FBN3: variants seen among roughly 807,000 people sequenced by gnomAD.
FBN3 encodes the protein fibrillin 3, also known as fibrillin-3.
Under a neutral mutation model 330.1 loss-of-function variants are expected in FBN3, and 234 were observed. That is an observed-to-expected ratio of 0.71 (90% CI 0.64 to 0.79). FBN3 has a LOEUF of 0.79. Ranked by LOEUF, FBN3 falls within the 30% of genes least tolerant of loss-of-function variation. FBN3 has a pLI of 0.00. For synonymous variants in FBN3, 1,458 were observed against 1,517.3 expected (o/e 0.96, Z 0.91); for missense variants, 3,606 against 3,886.9 (o/e 0.93, Z 1.92).
chr19:8,072,579 G>C (rs764682017), intron 62 of FBN3, among the ~76,000 whole-genome samples: 1 of 151,980 alleles, frequency 6.6e-6, no homozygotes, highest in African/African-American at 2.4e-5. Flanking sequence ...AGTGTGCCTG[G>C]GGATGTGTGT....
intron 40 of FBN3, among the ~76,000 whole-genome samples, chr19:8,101,373 C>T (rs2082324821): frequency 6.6e-6 from 1 of 152,302 alleles, no homozygotes; most frequent in Non-Finnish European, 1.5e-5. Flanking sequence ...GTCCCCTTCC[C>T]ATCACTGTCC....
Position 8,096,612 on chromosome 19 carries a change from A to G in FBN3, c.5414-43T>C. 6.4e-7 allele frequency: 1 copy of G among 1,568,078 alleles called. No homozygotes were observed. ...ATGGTGTTCCCAGGGCTCCTACCAC[A>G]GTGTTTGCCTGAGCTCTCCCTACTG... On this transcript the variant is annotated intron_variant, in intron 43 of 63. Transcript: ENST00000600128. This position sits in a 1 kb window ranked among gnomAD's most constrained non-coding sequence, Gnocchi z 4.6.
chr19:8,109,751 T>A lies in FBN3; in HGVS notation c.4336A>T (p.Ile1446Phe). The A allele has an allele frequency of 6.6e-7, 1 of 1,512,006 alleles. No homozygotes were observed. Among genetic ancestry groups the A allele is most frequent in the Non-Finnish European group, 8.8e-7 (1 of 1,129,966 alleles). The allele number at this position is 1,512,006 out of a possible 1,614,324, so 93.7% of individuals were successfully genotyped here. A position where few individuals can be genotyped will look rare whatever the true frequency, so the allele number is the denominator to read the frequency against. ...LDRGGGNCTDINECADPVNCI... is the reference protein window; with the variant it reads ...LDRGGGNCTDFNECADPVNCI... Reference sequence around the variant, plus strand: ...TTTACTGGGTCTGCACACTCGTTGATGTCTGTAGGGAGGAAGCGCGGTCCT... The same window carrying A: ...TTTACTGGGTCTGCACACTCGTTGAAGTCTGTAGGGAGGAAGCGCGGTCCT... Residue 1446 changes from isoleucine to phenylalanine, a missense_variant and splice_region_variant, in exon 35 of 64, where the codon ATC (isoleucine) becomes TTC (phenylalanine). By Grantham distance (21) the Ile-to-Phe change is conservative (BLOSUM62 0). Transcript: ENST00000600128. The surrounding 1 kb of genome is among the most constrained non-coding windows in gnomAD (Gnocchi z 5.2).
chr19:8,132,901 C>T lies in FBN3; in HGVS notation c.1714+83G>A, dbSNP rs578058266. 1.7e-5 allele frequency: 24 copies of T among 1,436,260 alleles called. No individual in the cohort carries two copies. The Admixed American group carries it at 1.8e-4, about 11-fold the overall frequency. The allele number at this position is 1,436,260 out of a possible 1,614,324, so 89.0% of individuals were successfully genotyped here. On this transcript the variant is annotated intron_variant, in intron 14 of 63. Coordinates refer to ENST00000600128, the MANE Select transcript of FBN3 (RefSeq NM_032447.5). ...CTCTCATGCTCGTCCCATCCCCGTC[C>T]GGTCCCTCTCCTCTTCCTCGCCGTC... is the stretch of plus-strand genomic sequence containing the variant.
At chr19:8,111,925 C>T (rs1156354648) in intron 31 of FBN3, 52 bp downstream of exon 31, 24 of 450,190 alleles carry the variant, frequency 5.3e-5, no homozygotes, top group Non-Finnish European at 7.7e-5. Context: ...ACCGCCTTGC[C>T]CCCCACCTAC....
chr19:8,090,201 C>A lies in FBN3; in HGVS notation c.6082G>T (p.Val2028Leu). Residue 2028 changes from valine to leucine, a missense_variant, in exon 49 of 64, where the codon GTG (valine) becomes TTG (leucine). Coordinates refer to ENST00000600128, the MANE Select transcript of FBN3 (RefSeq NM_032447.5). ...TTGGTGGTGTTGAAAGCTTTGGGCACCGAGCACTTCCCAGCCTCAAAACGG... is the reference window on the plus strand; with the variant it reads ...TTGGTGGTGTTGAAAGCTTTGGGCAACGAGCACTTCCCAGCCTCAAAACGG... Reference protein sequence around the residue: ...FTRFEAGKCSVPKAFNTTKTR... With the variant: ...FTRFEAGKCSLPKAFNTTKTR... 1 of 1,614,064 alleles carries A rather than the reference C, an allele frequency of 6.2e-7. No individual in the cohort carries two copies. Among genetic ancestry groups the A allele is most frequent in the South Asian group, 1.1e-5 (1 of 91,072 alleles).
At position 8,135,971 on chromosome 19, in the gene FBN3, C is replaced by G. The variant is rs1313884772; in HGVS notation, c.1581G>C (p.Lys527Asn). Residue 527 changes from lysine (K) to asparagine (N), a missense_variant, in exon 13 of 64, where the codon AAG becomes AAC. Coordinates refer to ENST00000600128, the MANE Select transcript of FBN3 (RefSeq NM_032447.5). Reference sequence around the variant, plus strand: ...CCACCCCCAACTCACCCACACAGTTCTTGCCGTCAGGGCTGAGCTCGAAGC... The same window carrying G: ...CCACCCCCAACTCACCCACACAGTTGTTGCCGTCAGGGCTGAGCTCGAAGC... ...NAGFELSPDG[K>N]NCVDHNECAT... 1 of 1,544,022 alleles carries G rather than the reference C, an allele frequency of 6.5e-7. No individual in the cohort carries two copies. Among genetic ancestry groups the G allele is most frequent in the Non-Finnish European group, 8.7e-7 (1 of 1,145,638 alleles).
chr19:8,095,555 A>G, intron 45 of FBN3, 52 bp from the exon 46 acceptor site: 1 of 1,591,864 alleles, frequency 6.3e-7, no homozygotes, highest in Admixed American at 1.7e-5. Flanking sequence ...TGAAGGGATC[A>G]AACCTTCCTT....
In FBN3 at chr19:8,097,366, C is replaced by A. The variant is rs765126546; in HGVS notation, c.5210G>T (p.Cys1737Phe). The change falls in exon 42 of 64, where the codon TGC becomes TTC. Residue 1737 changes from cysteine to phenylalanine, a missense_variant. Physicochemically the swap from Cys to Phe is radical, Grantham distance 205. Transcript: ENST00000600128. The part of the protein sequence containing the change: ...EIPAICANGI[C>F]INQIGSFRCE... ...GCGGAAACTCCCGATCTGGTTTATG[C>A]AGATGCCATTGGCACAGATGGCGGG... The A allele has an allele frequency of 8.1e-6, 13 of 1,607,930 alleles. No homozygotes were observed. In the South Asian group the frequency reaches 1.4e-4, roughly 18 times the overall value.
Position 8,142,069 on chromosome 19 carries a change from C to T in FBN3, c.610G>A (p.Val204Met), listed in dbSNP as rs368250064. ...EGCQHQLTGLVCTKALCCATV... is the reference protein window; with the variant it reads ...EGCQHQLTGLMCTKALCCATV... ...GCACAGCAAAGTGCCTTGGTGCACA[C>T]GAGGCCCGTCAGCTGATGCTGGCAC... The change falls in exon 7 of 64, where the codon GTG becomes ATG. Residue 204 changes from valine (V) to methionine (M), a missense_variant. Val to Met is a conservative substitution (Grantham distance 21). Coordinates refer to ENST00000600128, the MANE Select transcript of FBN3 (RefSeq NM_032447.5). 2.6e-5 allele frequency: 42 copies of T among 1,613,838 alleles called. No homozygotes were observed. The East Asian group carries it at 7.8e-4, about 30-fold the overall frequency.
chr19:8,140,495 C>A (rs748035969), intron 8 of FBN3, among the ~76,000 whole-genome samples: 1 of 152,190 alleles, frequency 6.6e-6, no homozygotes, highest in African/African-American at 2.4e-5. Flanking sequence ...CCTGTCATTG[C>A]TGTAAGTACA....
At position 8,097,059 on chromosome 19, in the gene FBN3, G is replaced by T. The variant is rs952940128; in HGVS notation, c.5288-53C>A. 36 of 1,590,646 alleles carry T rather than the reference G, an allele frequency of 2.3e-5. No individual in the cohort carries two copies. In the Admixed American group the frequency reaches 3.0e-4, roughly 13 times the overall value. On this transcript the variant is annotated intron_variant, in intron 42 of 63. Transcript: ENST00000600128. Reference sequence around the variant, plus strand: ...GGTGACAGAGAAGCCCATCCTGACAGAATCAAACGTGAAACCCAGTCCACT... The same window carrying T: ...GGTGACAGAGAAGCCCATCCTGACATAATCAAACGTGAAACCCAGTCCACT...
intron 40 of FBN3, among the ~76,000 whole-genome samples, chr19:8,101,611 A>G (rs1568395887): frequency 6.6e-6 from 1 of 151,798 alleles, no homozygotes; most frequent in African/African-American, 2.4e-5. Flanking sequence ...GGTCTATGGT[A>G]TCTCTAACCA....
In FBN3 at chr19:8,111,779, G is replaced by C; in HGVS notation, c.3962-9C>G. 6.2e-7 allele frequency: 1 copy of C among 1,611,650 alleles called. No homozygotes were observed. The highest frequency in any genetic ancestry group is 8.5e-7 in the Non-Finnish European group (1 of 1,178,458). The stretch of plus-strand genomic sequence containing the variant: ...GACGCATTCATCCAGGTCTGCAGGA[G>C]ATGGAGCCCAGACCCCCCACCCCAT... On this transcript the variant is annotated splice_polypyrimidine_tract_variant and intron_variant, in intron 31 of 63. Coordinates refer to ENST00000600128, the MANE Select transcript of FBN3 (RefSeq NM_032447.5).
chr19:8,116,905 C>A, intron 28 of FBN3, 106 bp from the exon 29 acceptor site: 2 of 1,397,804 alleles, frequency 1.4e-6, no homozygotes, highest in Non-Finnish European at 2.0e-6. Flanking sequence ...GTGAGGATAG[C>A]GATGGTCACT....
chr19:8,104,471 TAAA>T (rs5826993), intron 38 of FBN3, among the ~76,000 whole-genome samples: 35 of 142,126 alleles, frequency 2.5e-4, no homozygotes, highest in Non-Finnish European at 2.9e-4. Flanking sequence ...ACACTGGCTC[TAAA>T]AAAAAAAAAA....
rs886171208 is a variant in FBN3, at chr19:8,149,388, C to A, written c.-18+61G>T. 2 of 151,782 alleles carry A rather than the reference C, an allele frequency of 1.3e-5. No individual in the cohort carries two copies. Among genetic ancestry groups the A allele is most frequent in the African/African-American group, 4.8e-5 (2 of 41,390 alleles). 9.4% of individuals were successfully genotyped at this position (151,782 alleles called of 1,614,324 possible). On this transcript the variant is annotated intron_variant, in intron 1 of 63. Coordinates refer to ENST00000600128, the MANE Select transcript of FBN3 (RefSeq NM_032447.5). The surrounding 1 kb of genome is among the most constrained non-coding windows in gnomAD (Gnocchi z 5.5). ...CCCCCTGCCGGCCCCCCCGCCCCCG[C>A]CTTCTCCACCCTTCAGCGCCCGCGA...
chr19:8,134,254 T>TA (rs1555752695), intron 13 of FBN3, among the ~76,000 whole-genome samples: 1 of 26,652 alleles, frequency 3.8e-5, no homozygotes, highest in Non-Finnish European at 8.5e-5. Flanking sequence ...AATAAATAAA[T>TA]AAATAAAATA....
chr19:8,111,492 C>A (rs1040357513), intron 32 of FBN3, among the ~76,000 whole-genome samples, 156 bp downstream of exon 32: 2 of 152,134 alleles, frequency 1.3e-5, no homozygotes, highest in African/African-American at 4.8e-5. Context: ...CAGGCCGCAG[C>A]ACCGCCTGGG....
Sources: gnomAD v4.1 joint callset for allele counts (sites outside exome capture counted in the v4.1 genomes callset) on GRCh38, gnomAD v4.1.1 for gene constraint, Gnocchi (gnomAD v3.1) non-coding constraint, MANE v1.5 for transcripts, NCBI Gene and HGNC (gene_info 2026-07-23, HGNC 2026-07-21) for gene names.